TTN: variants seen among roughly 807,000 people sequenced by gnomAD.
The protein encoded by TTN is connectin.
In TTN, 1,525 loss-of-function variants were observed where a neutral mutation model predicts 3,223.0. The ratio of observed to expected loss-of-function variants is 0.47; its 90% CI spans 0.45 to 0.49. TTN has a LOEUF of 0.49. Among genes scored for constraint, TTN ranks in the 20% least tolerant of loss-of-function variants. The pLI, the probability that TTN is intolerant of heterozygous loss-of-function variation, is 0.00. For synonymous variants in TTN, 14,094 were observed against 15,161.0 expected, an observed-to-expected ratio of 0.93 and a Z score of 5.17; for missense variants, 40,786 against 43,424.0, an observed-to-expected ratio of 0.94 and a Z score of 5.40.
In TTN at chr2:178,597,137, A is replaced by G. The variant is rs80259436; in HGVS notation, c.57544+401T>C. On this transcript the variant is annotated intron_variant, in intron 294 of 362. Coordinates refer to ENST00000589042, the MANE Select transcript of TTN (RefSeq NM_001267550.2). ...CAGTTTAAGGAAAGTTGCTTCTATG[A>G]AAACTATATAACAACATAATAGACA... Among the ~76,000 whole-genome samples, 239 of 152,262 alleles carry G rather than the reference A, an allele frequency of 1.6e-3. 10 individuals are homozygous for G. In the East Asian group the frequency reaches 0.041, roughly 26 times the overall value.
chr2:178,723,117 G>C lies in TTN; in HGVS notation c.21890C>G (p.Ala7297Gly). The change falls in exon 75 of 363, where the codon GCA (alanine) becomes GGA (glycine). Residue 7297 changes from alanine (A) to glycine (G), a missense_variant. Transcript: ENST00000589042. ...LEILNSTKRD[A>G]GQYSCEIENE... ...TTCAATCTCGCAGGAATACTGCCCT[G>C]CATCTCTTTTTGTGCTATTCAGAAT... 1 of 1,613,560 alleles carries C rather than the reference G, an allele frequency of 6.2e-7. No individual in the cohort carries two copies. Among genetic ancestry groups the C allele is most frequent in the Non-Finnish European group, 8.5e-7 (1 of 1,179,662 alleles).
rs1465899311 is a variant in TTN, at chr2:178,675,079, T to G, written c.34572A>C (p.Arg11524=). The G allele has an allele frequency of 1.3e-6, 2 of 1,560,000 alleles. No homozygotes were observed. Among genetic ancestry groups the G allele is most frequent in the East Asian group, 4.9e-5 (2 of 40,528 alleles). Residue 11524 remains arginine, a synonymous_variant, in exon 150 of 363, where the codon CGA becomes CGC. Coordinates refer to ENST00000589042, the MANE Select transcript of TTN (RefSeq NM_001267550.2). ...PEVPKKVEEK[R]IILPKEEEVL... ...CTTCCTCTTCTTTAGGGAGAATGAT[T>G]CGTTTTTCTTCCACCTTCTTAGGCA... is the stretch of plus-strand genomic sequence containing the variant.
chr2:178,735,321 A>C (rs1445857541), intron 50 of TTN, among the ~76,000 whole-genome samples, 190 bp downstream of exon 50: 2 of 152,230 alleles, frequency 1.3e-5, no homozygotes, highest in African/African-American at 2.4e-5. Flanking sequence ...AAAGAACAAA[A>C]GTTAAGTGAA....
intron 47 of TTN, chr2:178,746,687 C>T (rs779612147): frequency 1.2e-6 from 2 of 1,613,320 alleles, no homozygotes; most frequent in South Asian, 2.2e-5. Context: ...TTCCAGTGAA[C>T]ACACATTACC....
At chr2:178,528,179 T>C (rs540483633) in intron 361 of TTN, 95 bp downstream of exon 361, 2 of 1,374,578 alleles carry the variant, frequency 1.5e-6, no homozygotes, top group Non-Finnish European at 2.0e-6. Flanking sequence ...TGGAATTTAA[T>C]AAGGCTTCTT....
Position 178,725,462 on chromosome 2 carries a change from A to T in TTN, c.20742T>A (p.Phe6914Leu), listed in dbSNP as rs397517495. The T allele has an allele frequency of 1.4e-5, 22 of 1,612,948 alleles. No homozygotes were observed. The highest frequency in any genetic ancestry group is 1.9e-5 in the Non-Finnish European group (22 of 1,179,436). Residue 6914 changes from phenylalanine (F) to leucine (L), a missense_variant, in exon 71 of 363, where the codon TTT (phenylalanine) becomes TTA (leucine). Transcript: ENST00000589042. Reference protein sequence around the residue: ...TFVENVATLQFAKAEPANAGK... With the variant: ...TFVENVATLQLAKAEPANAGK... ...CAGCATTAGCTGGCTCTGCTTTTGC[A>T]AACTGTAGAGTTGCAACATTTTCCA...
chr2:178,634,311 A>G lies in TTN; in HGVS notation c.42415+55T>C, dbSNP rs7590037. The G allele has an allele frequency of 0.042, 65,374 of 1,564,772 alleles. 3,197 individuals are homozygous for G. Among genetic ancestry groups the G allele is most frequent in the Admixed American group, 0.17 (7,900 of 45,528 alleles). ...TTAGAACTTGGCGTCCTATCTTTAA[A>G]GTCATATATTTGCATGCCTTTATGG... On this transcript the variant is annotated intron_variant, in intron 230 of 362. Transcript: ENST00000589042. This position sits in a 1 kb window ranked among gnomAD's most constrained non-coding sequence, Gnocchi z 4.6.
At chr2:178,662,853 G>C in intron 174 of TTN, 41 bp from the exon 175 acceptor site, 1 of 939,176 alleles carries the variant, frequency 1.1e-6, no homozygotes, top group Non-Finnish European at 1.6e-6. Flanking sequence ...AGCTATAAAG[G>C]GGGAATATCG....
chr2:178,561,918 T>C lies in TTN; in HGVS notation c.84214A>G (p.Ile28072Val). The C allele has an allele frequency of 1.9e-6, 3 of 1,613,600 alleles. No homozygotes were observed. Among genetic ancestry groups the C allele is most frequent in the Non-Finnish European group, 1.7e-6 (2 of 1,179,736 alleles). The change falls in exon 326 of 363, where the codon ATA (isoleucine) becomes GTA (valine). Residue 28072 changes from isoleucine to valine, a missense_variant. Transcript: ENST00000589042. Reference sequence around the variant, plus strand: ...TCTGGAGGATTCCAAGAAATGGTTATGCTGTCACAACTAACCTCATCAATA... The same window carrying C: ...TCTGGAGGATTCCAAGAAATGGTTACGCTGTCACAACTAACCTCATCAATA... ...IRIDEVSCDS[I>V]TISWNPPEYD...
At chr2:178,738,384 T>C in intron 48 of TTN, 24 bp from the exon 49 acceptor site, 2 of 1,592,290 alleles carry the variant, frequency 1.3e-6, no homozygotes, top group Non-Finnish European at 1.7e-6. Flanking sequence ...TAGAGTCCAT[T>C]AACATGCCTC....
At chr2:178,746,423 T>C (rs1373850531) in intron 47 of TTN, 1 of 1,610,524 alleles carries the variant, frequency 6.2e-7, no homozygotes, top group Admixed American at 1.7e-5. Context: ...TTTCACCTGC[T>C]TCTCAAATTC....
chr2:178,573,606 C>G lies in TTN; in HGVS notation c.72526G>C (p.Glu24176Gln), dbSNP rs1553609326. The change falls in exon 326 of 363, where the codon GAA becomes CAA. Residue 24176 changes from glutamate (E) to glutamine (Q), a missense_variant. Physicochemically the swap from Glu to Gln is conservative, Grantham distance 29. Coordinates refer to ENST00000589042, the MANE Select transcript of TTN (RefSeq NM_001267550.2). Reference protein sequence around the residue: ...SRLAWTNVASEVQVTKLKVTK... With the variant: ...SRLAWTNVASQVQVTKLKVTK... ...ACCTTTAGCTTTGTTACTTGGACTT[C>G]TGAGGCTACATTTGTCCATGCCAAT... 6.7e-7 allele frequency: 1 copy of G among 1,498,378 alleles called. No homozygotes were observed. Among genetic ancestry groups the G allele is most frequent in the Non-Finnish European group, 8.9e-7 (1 of 1,126,318 alleles). 92.8% of individuals were successfully genotyped at this position (1,498,378 alleles called of 1,614,324 possible).
chr2:178,609,737 C>T lies in TTN; in HGVS notation c.51686G>A (p.Gly17229Asp). The change falls in exon 272 of 363, where the codon GGT (glycine) becomes GAT (aspartate). Residue 17229 changes from glycine to aspartate, a missense_variant. By Grantham distance (94) the Gly-to-Asp change is moderately conservative. Transcript: ENST00000589042. ...QFRVRAENAA[G>D]ISEPSRATPP... is the part of the protein sequence containing the mutation. Reference sequence around the variant, plus strand: ...AGTAGCCCGAGAAGGTTCACTAATACCCGCGGCGTTCTCTGCTCGCACACG... The same window carrying T: ...AGTAGCCCGAGAAGGTTCACTAATATCCGCGGCGTTCTCTGCTCGCACACG... The T allele has an allele frequency of 6.2e-7, 1 of 1,611,652 alleles. No individual in the cohort carries two copies. Among genetic ancestry groups the T allele is most frequent in the Non-Finnish European group, 8.5e-7 (1 of 1,178,416 alleles).
chr2:178,768,926 C>A lies in TTN; in HGVS notation c.8910G>T (p.Met2970Ile). The change falls in exon 38 of 363, where the codon ATG (methionine) becomes ATT (isoleucine). Residue 2970 changes from methionine (M) to isoleucine (I), a missense_variant. Physicochemically the swap from Met to Ile is conservative, Grantham distance 10. Coordinates refer to ENST00000589042, the MANE Select transcript of TTN (RefSeq NM_001267550.2). The part of the protein sequence containing the change: ...VSATLTVTPI[M>I]ITSMLKDINA... Reference sequence around the variant, plus strand: ...TGATGTCTTTCAGCATGGAAGTAATCATGATTGCTGCAAAGGAGAAAAGAA... The same window carrying A: ...TGATGTCTTTCAGCATGGAAGTAATAATGATTGCTGCAAAGGAGAAAAGAA... 6.2e-7 allele frequency: 1 copy of A among 1,613,726 alleles called. No homozygotes were observed. The highest frequency in any genetic ancestry group is 8.5e-7 in the Non-Finnish European group (1 of 1,179,982).
In TTN at chr2:178,669,599, T is replaced by A; in HGVS notation, c.35463A>T (p.Pro11821=). ...EAVLKKPEVP[P]AKVPGMPKKS... is the part of the protein sequence containing the mutation. ...ATTAGCATCACTGTATACCTTTAGCTGGTGGAACTTCAGGCTTTTTCAGAA... is the reference window on the plus strand; with the variant it reads ...ATTAGCATCACTGTATACCTTTAGCAGGTGGAACTTCAGGCTTTTTCAGAA... Residue 11821 remains proline, a synonymous_variant, in exon 158 of 363, where the codon CCA becomes CCT. Coordinates refer to ENST00000589042, the MANE Select transcript of TTN (RefSeq NM_001267550.2). 3 of 1,612,488 alleles carry A rather than the reference T, an allele frequency of 1.9e-6. No individual in the cohort carries two copies. Among genetic ancestry groups the A allele is most frequent in the Non-Finnish European group, 2.5e-6 (3 of 1,179,630 alleles).
rs1337688234 is a variant in TTN at position 178,636,806 on chromosome 2, C to T, written c.40928-7G>A. 1 of 1,551,904 alleles carries T rather than the reference C, an allele frequency of 6.4e-7. No homozygotes were observed. Among genetic ancestry groups the T allele is most frequent in the Non-Finnish European group, 8.7e-7 (1 of 1,152,114 alleles). Reference sequence around the variant, plus strand: ...GGAGTCTTTTTGGGTACACCTAATTCAAAGTAAAATAAAAAGTTGATTTGG... The same window carrying T: ...GGAGTCTTTTTGGGTACACCTAATTTAAAGTAAAATAAAAAGTTGATTTGG... On this transcript the variant is annotated splice_polypyrimidine_tract_variant and splice_region_variant and intron_variant, in intron 224 of 362. Coordinates refer to ENST00000589042, the MANE Select transcript of TTN (RefSeq NM_001267550.2). This position sits in a 1 kb window ranked among gnomAD's most constrained non-coding sequence, Gnocchi z 4.3.
At chr2:178,665,869 A>G in intron 163 of TTN, 78 bp from the exon 164 acceptor site, 1 of 666,738 alleles carries the variant, frequency 1.5e-6, no homozygotes. Context: ...CACATACAGA[A>G]CATTCCAGAT....
At chr2:178,528,055 C>G in intron 361 of TTN, 2 of 569,736 alleles carry the variant, frequency 3.5e-6, no homozygotes, top group East Asian at 2.9e-5. Context: ...ATAAATGTTA[C>G]ACGGCAGTTG....
At chr2:178,743,673 T>C (rs1054458682) in intron 47 of TTN, among the ~76,000 whole-genome samples, 1 of 152,036 alleles carries the variant, frequency 6.6e-6, no homozygotes, top group Non-Finnish European at 1.5e-5. Flanking sequence ...GTATGATGTT[T>C]GAGTAAAGCA....
Sources: allele counts gnomAD v4.1 joint callset (sites outside exome capture counted in the v4.1 genomes callset), GRCh38; gene constraint gnomAD v4.1.1; non-coding constraint Gnocchi (gnomAD v3.1); transcripts MANE v1.5; gene names NCBI Gene and HGNC (gene_info 2026-07-23, HGNC 2026-07-21).